The following ACAD10 variants were observed in gnomAD, a reference collection of about 807,000 sequenced individuals.
ACAD10 encodes acyl-CoA dehydrogenase family member 10.
ACAD10 carries 112 observed loss-of-function variants against 116.8 expected under a neutral mutation model. The ratio of observed to expected loss-of-function variants is 0.96; its 90% CI spans 0.82 to 1.12. ACAD10 has a LOEUF of 1.12. ACAD10 is among the 50% of genes most tolerant of loss of function. The probability of loss-of-function intolerance (pLI) is 0.00; values close to 1 mark genes in which losing one functional copy is unlikely to be tolerated. For missense variants in ACAD10, 1,259 were observed against 1,350.2 expected, an observed-to-expected ratio of 0.93 and a Z score of 1.06; for synonymous variants, 486 against 510.6, an observed-to-expected ratio of 0.95 and a Z score of 0.65.
At chr12:111,724,596 G>T (rs1889156776) in intron 8 of ACAD10, among the ~76,000 whole-genome samples, 1 of 152,174 alleles carries the variant, frequency 6.6e-6, no homozygotes, top group African/African-American at 2.4e-5. Flanking sequence ...CGCGGTTAGG[G>T]GCTGGAGACC....
At chr12:111,746,044 T>C in intron 13 of ACAD10, 100 bp from the exon 14 acceptor site, 2 of 1,479,558 alleles carry the variant, frequency 1.4e-6, no homozygotes, top group Non-Finnish European at 1.8e-6. Context: ...CATGTTTGGT[T>C]GTCTGCCTTG....
At chr12:111,711,733 C>T (rs1469740709) in intron 5 of ACAD10, among the ~76,000 whole-genome samples, 2 of 151,978 alleles carry the variant, frequency 1.3e-5, no homozygotes, top group East Asian at 1.9e-4. Context: ...AGGATGATCT[C>T]GATCTCCTGG....
intron 12 of ACAD10, 199 bp from the exon 13 acceptor site, chr12:111,744,444 T>C (rs573442661): frequency 1.5e-6 from 1 of 646,296 alleles, no homozygotes; most frequent in South Asian, 2.2e-5. Context: ...CTCAGTTTTC[T>C]TGCGTGCAAA....
intron 1 of ACAD10, among the ~76,000 whole-genome samples, chr12:111,689,153 C>G (rs906043975): frequency 6.6e-6 from 1 of 151,370 alleles, no homozygotes; most frequent in Non-Finnish European, 1.5e-5. Context: ...ATCATGCCAC[C>G]GCATTCCAGC....
chr12:111,746,069 T>A (rs1454395794), intron 13 of ACAD10, 75 bp from the exon 14 acceptor site: 1 of 1,557,888 alleles, frequency 6.4e-7, no homozygotes, highest in Non-Finnish European at 8.7e-7. Context: ...CTCCAATCCC[T>A]TTCATTGTTT....
chr12:111,751,550 G>A (rs1246725978), intron 18 of ACAD10, among the ~76,000 whole-genome samples: 1 of 152,026 alleles, frequency 6.6e-6, no homozygotes, highest in South Asian at 2.1e-4. Context: ...CGCCAACATG[G>A]TGATACCCCG....
chr12:111,746,798 C>T (rs1408447328), intron 14 of ACAD10, among the ~76,000 whole-genome samples: 1 of 152,112 alleles, frequency 6.6e-6, no homozygotes, highest in Non-Finnish European at 1.5e-5. Context: ...GCCAGGAGTT[C>T]GACACCAGCG....
At chr12:111,714,245 C>CA (rs1318832988) in intron 6 of ACAD10, among the ~76,000 whole-genome samples, 2,435 of 93,480 alleles carry the variant, frequency 0.026, 64 homozygotes, top group African/African-American at 0.08. Flanking sequence ...GCTCTGTCTC[C>CA]AAAAAAAAAA....
Position 111,692,840 on chromosome 12 carries a change from CG to C in ACAD10, c.133del (p.Val45Ter). On this transcript the variant is annotated frameshift_variant, in exon 2 of 21. Coordinates refer to ENST00000313698, the MANE Select transcript of ACAD10 (RefSeq NM_025247.6). LOFTEE classifies it high-confidence loss of function. The part of the protein sequence containing the change: ...WTHLGGSTYR[A>X]VIFDMGGVLI... ...CACCTTGGAGGCAGCACCTACAGAGCGGTGATTTTCGACATGGGCGGAGTTC... is the reference window on the plus strand; with the variant it reads ...CACCTTGGAGGCAGCACCTACAGAGCGTGATTTTCGACATGGGCGGAGTTC... 2 of 1,614,162 alleles carry C rather than the reference CG, an allele frequency of 1.2e-6. No individual in the cohort carries two copies. Among genetic ancestry groups the C allele is most frequent in the Non-Finnish European group, 1.7e-6 (2 of 1,180,036 alleles).
chr12:111,697,944 T>C (rs1230656214), intron 2 of ACAD10, among the ~76,000 whole-genome samples: 1 of 151,170 alleles, frequency 6.6e-6, no homozygotes, highest in African/African-American at 2.4e-5. Context: ...GCGCCTTTTT[T>C]TTTTTTTTTT....
rs117534954 is a variant in ACAD10 at position 111,734,934 on chromosome 12, G to A, written c.1540+866G>A. Among the ~76,000 whole-genome samples, 31 of 152,122 alleles carry A rather than the reference G, an allele frequency of 2.0e-4. No homozygotes were observed. In the East Asian group the frequency reaches 6.0e-3, roughly 30 times the overall value. On this transcript the variant is annotated intron_variant, in intron 11 of 20. Coordinates refer to ENST00000313698, the MANE Select transcript of ACAD10 (RefSeq NM_025247.6). ...ATATAATTTTATTGTATAGAATTAA[G>A]GGAAGACGGCCGGGCGCGGTGGCCC...
intron 12 of ACAD10, among the ~76,000 whole-genome samples, chr12:111,739,234 T>C (rs1889661602): frequency 6.6e-6 from 1 of 152,062 alleles, no homozygotes; most frequent in African/African-American, 2.4e-5. Context: ...TACCTCCTGA[T>C]GCTTCCCTCA....
chr12:111,756,552 C>G lies in ACAD10; in HGVS notation c.*79C>G. The G allele has an allele frequency of 6.4e-7, 1 of 1,569,532 alleles. No individual in the cohort carries two copies. The highest frequency in any genetic ancestry group is 1.3e-5 in the African/African-American group (1 of 74,278). ...CTGTCACTGATGTGCCTCGAAAGATCCGGTGTTTGTGGCTCCTGCACCCTG... is the reference window on the plus strand; with the variant it reads ...CTGTCACTGATGTGCCTCGAAAGATGCGGTGTTTGTGGCTCCTGCACCCTG... On this transcript the variant is annotated 3_prime_UTR_variant, in exon 21 of 21. Transcript: ENST00000313698.
intron 2 of ACAD10, among the ~76,000 whole-genome samples, chr12:111,699,982 A>C (rs1473491872): frequency 2.0e-5 from 3 of 152,016 alleles, no homozygotes; most frequent in Admixed American, 6.6e-5. Context: ...ACAACTATTC[A>C]CTTCTACCAT....
chr12:111,750,399 C>T (rs1035593764), intron 18 of ACAD10, among the ~76,000 whole-genome samples: 2 of 150,094 alleles, frequency 1.3e-5, no homozygotes, highest in Admixed American at 1.3e-4. Flanking sequence ...GGATTACCGG[C>T]GTGAGCCACC....
At chr12:111,695,504 C>T (rs763294349) in intron 2 of ACAD10, among the ~76,000 whole-genome samples, 1 of 152,048 alleles carries the variant, frequency 6.6e-6, no homozygotes, top group Non-Finnish European at 1.5e-5. Context: ...GTTCATGTCT[C>T]CTCTATGGGG....
At chr12:111,697,938 C>CTTT (rs1182061843) in intron 2 of ACAD10, among the ~76,000 whole-genome samples, 1 of 126,428 alleles carries the variant, frequency 7.9e-6, no homozygotes, top group Non-Finnish European at 1.7e-5. Context: ...GAGGTTGCGC[C>CTTT]TTTTTTTTTT....
chr12:111,720,323 A>C (rs1888980668), intron 7 of ACAD10, among the ~76,000 whole-genome samples: 1 of 152,252 alleles, frequency 6.6e-6, no homozygotes, highest in African/African-American at 2.4e-5. Context: ...TAGTGGGTTC[A>C]GATGTATGTC....
intron 2 of ACAD10, among the ~76,000 whole-genome samples, chr12:111,694,784 A>C (rs1888149777): frequency 6.6e-6 from 1 of 152,154 alleles, no homozygotes; most frequent in African/African-American, 2.4e-5. Context: ...TCAGCAATTT[A>C]GGAGGCCGAG....
Sources: gnomAD v4.1 joint callset for allele counts (sites outside exome capture counted in the v4.1 genomes callset) on GRCh38, gnomAD v4.1.1 for gene constraint, MANE v1.5 for transcripts, NCBI Gene and HGNC (gene_info 2026-07-23, HGNC 2026-07-21) for gene names.